NHEJ1: variants seen among roughly 807,000 people sequenced by gnomAD.
The protein encoded by NHEJ1 is non-homologous end-joining factor 1.
NHEJ1 carries 22 observed loss-of-function variants against 39.4 expected under a neutral mutation model. That is an observed-to-expected ratio of 0.56 (90% CI 0.40 to 0.80). The LOEUF (loss-of-function observed/expected upper bound fraction) is 0.80. Among genes scored for constraint, NHEJ1 ranks in the 30% least tolerant of loss-of-function variants. The pLI is 0.00. For missense variants in NHEJ1, 329 were observed against 357.1 expected, an observed-to-expected ratio of 0.92 and a Z score of 0.63; for synonymous variants, 154 against 135.6, an observed-to-expected ratio of 1.14 and a Z score of -0.94.
intron 3 of NHEJ1, among the ~76,000 whole-genome samples, chr2:219,154,150 T>C (rs974531176): frequency 2.6e-5 from 4 of 152,188 alleles, no homozygotes; most frequent in African/African-American, 9.7e-5. Context: ...TTGATATGAA[T>C]AATCTCTAAG....
intron 5 of NHEJ1, among the ~76,000 whole-genome samples, chr2:219,098,857 T>C (rs1370666881): frequency 6.6e-6 from 1 of 152,230 alleles, no homozygotes; most frequent in Non-Finnish European, 1.5e-5. Flanking sequence ...GCTTTCTGAC[T>C]ACATTTGACT....
In NHEJ1 at chr2:219,107,138, C is replaced by A. The variant is rs370676134; in HGVS notation, c.589-28932G>T. Among the ~76,000 whole-genome samples, 17 of 152,222 alleles carry A rather than the reference C, an allele frequency of 1.1e-4. No homozygotes were observed. In the East Asian group the frequency reaches 2.5e-3, roughly 22 times the overall value. On this transcript the variant is annotated intron_variant, in intron 5 of 7. Transcript: ENST00000356853. The stretch of plus-strand genomic sequence containing the variant: ...GTATGTGAAAACAGCAAGAAAATAA[C>A]TGCAAAGAAACATATGATATATGCA...
At chr2:219,120,778 T>A (rs970539060) in intron 5 of NHEJ1, among the ~76,000 whole-genome samples, 3 of 152,194 alleles carry the variant, frequency 2.0e-5, no homozygotes, top group African/African-American at 7.2e-5. Context: ...TCGGCCCTAG[T>A]ATGAGCCAAT....
At chr2:219,148,238 G>A (rs1298071027) in intron 3 of NHEJ1, among the ~76,000 whole-genome samples, 1 of 152,098 alleles carries the variant, frequency 6.6e-6, no homozygotes, top group Non-Finnish European at 1.5e-5. Context: ...TAGCCTGGGT[G>A]ACAGAGTGAG....
At chr2:219,157,441 T>C in intron 3 of NHEJ1, 31 bp downstream of exon 3, 1 of 1,585,756 alleles carries the variant, frequency 6.3e-7, no homozygotes, top group Non-Finnish European at 8.7e-7. Flanking sequence ...CTGGCATCCC[T>C]CCCCCAACCC....
chr2:219,109,408 C>T (rs2106338338), intron 5 of NHEJ1, among the ~76,000 whole-genome samples: 1 of 152,310 alleles, frequency 6.6e-6, no homozygotes, highest in Admixed American at 6.5e-5. Context: ...AAAGGTGCCC[C>T]ATGGCAGTAA....
Position 219,074,260 on chromosome 2 carries a change from T to C in NHEJ1, c.*2121A>G, listed in dbSNP as rs1028593652. On this transcript the variant is annotated 3_prime_UTR_variant, in exon 8 of 8. Coordinates refer to ENST00000356853, the MANE Select transcript of NHEJ1 (RefSeq NM_024782.3). Reference sequence around the variant, plus strand: ...AAAATTTTGCTCTTAAGATTTTACCTACAATTTTGAGGGATTCACAGGCCT... The same window carrying C: ...AAAATTTTGCTCTTAAGATTTTACCCACAATTTTGAGGGATTCACAGGCCT... Among the ~76,000 whole-genome samples the C allele has an allele frequency of 7.2e-5, 11 of 152,194 alleles. No homozygotes were observed. The highest frequency in any genetic ancestry group is 1.3e-4 in the Admixed American group (2 of 15,282).
rs1948960660 is a variant in NHEJ1 at position 219,071,903 on chromosome 2, A to C, written c.*4478T>G. Among the ~76,000 whole-genome samples the C allele has an allele frequency of 6.7e-6, 1 of 150,172 alleles. No homozygotes were observed. Among genetic ancestry groups the C allele is most frequent in the South Asian group, 2.1e-4 (1 of 4,830 alleles). On this transcript the variant is annotated 3_prime_UTR_variant, in exon 8 of 8. Coordinates refer to ENST00000356853, the MANE Select transcript of NHEJ1 (RefSeq NM_024782.3). ...AGTGGGGTGGGACTTAATAGCTCAGAAGAGTGATGAAGCCTTTGCTAGAAT... is the reference window on the plus strand; with the variant it reads ...AGTGGGGTGGGACTTAATAGCTCAGCAGAGTGATGAAGCCTTTGCTAGAAT...
intron 5 of NHEJ1, among the ~76,000 whole-genome samples, chr2:219,133,742 T>C (rs897139201): frequency 1.3e-5 from 2 of 152,232 alleles, no homozygotes; most frequent in African/African-American, 2.4e-5. Flanking sequence ...TTAAAAATTA[T>C]TGGATGAAAA....
chr2:219,107,861 G>C (rs1258636285), intron 5 of NHEJ1, among the ~76,000 whole-genome samples: 1 of 151,902 alleles, frequency 6.6e-6, no homozygotes, highest in Non-Finnish European at 1.5e-5. Context: ...CGAACTTCTT[G>C]TTCTGCTTAC....
At chr2:219,145,942 T>TAAAAAAAAAAAAAAAAA (rs796264986) in intron 5 of NHEJ1, among the ~76,000 whole-genome samples, 1 of 92,914 alleles carries the variant, frequency 1.1e-5, no homozygotes, top group Non-Finnish European at 2.4e-5. Context: ...CAAAAAAAAA[T>TAAAAAAAAAAAAAAAAA]AAAAAAAAAA....
At chr2:219,158,470 G>T in intron 1 of NHEJ1, 108 bp from the exon 2 acceptor site, 1 of 1,079,394 alleles carries the variant, frequency 9.3e-7, no homozygotes, top group Non-Finnish European at 1.4e-6. Flanking sequence ...AATCCTCCCT[G>T]ATAAAATAGA....
chr2:219,108,674 T>C (rs1282422830), intron 5 of NHEJ1, among the ~76,000 whole-genome samples: 1 of 152,224 alleles, frequency 6.6e-6, no homozygotes, highest in Admixed American at 6.5e-5. Context: ...GAGAGTGCTA[T>C]AAATAATCCC....
intron 5 of NHEJ1, among the ~76,000 whole-genome samples, chr2:219,083,643 G>A (rs893450178): frequency 1.1e-4 from 17 of 152,142 alleles, no homozygotes; most frequent in Admixed American, 4.6e-4. Context: ...TGGGAGTCAG[G>A]CACTGAGGGA....
At chr2:219,087,363 T>C (rs1253631690) in intron 5 of NHEJ1, among the ~76,000 whole-genome samples, 1 of 145,944 alleles carries the variant, frequency 6.9e-6, no homozygotes, top group Non-Finnish European at 1.5e-5. Context: ...ACTAGCACTG[T>C]GCAGGAGTGC....
At chr2:219,145,618 T>G (rs1292560023) in intron 5 of NHEJ1, among the ~76,000 whole-genome samples, 1 of 152,102 alleles carries the variant, frequency 6.6e-6, no homozygotes, top group Non-Finnish European at 1.5e-5. Flanking sequence ...AGTACCAACT[T>G]GGGTAACATA....
chr2:219,148,340 C>T (rs949487801), intron 3 of NHEJ1, among the ~76,000 whole-genome samples: 2 of 152,050 alleles, frequency 1.3e-5, no homozygotes, highest in Non-Finnish European at 2.9e-5. Context: ...CTCACTTAAG[C>T]CCAGGAGTTC....
At chr2:219,134,667 T>C (rs1026256505) in intron 5 of NHEJ1, among the ~76,000 whole-genome samples, 5 of 152,222 alleles carry the variant, frequency 3.3e-5, no homozygotes, top group Non-Finnish European at 5.9e-5. Flanking sequence ...TGTAGACCCT[T>C]TTCTTCGACC....
At chr2:219,160,587 G>A (rs1326397046) in intron 1 of NHEJ1, 133 bp downstream of exon 1, 1 of 126,354 alleles carries the variant, frequency 7.9e-6, no homozygotes, top group Non-Finnish European at 1.6e-5. Flanking sequence ...CCCCTCCCCC[G>A]GAGGCCTGCC....
Sources: allele counts gnomAD v4.1 joint callset (sites outside exome capture counted in the v4.1 genomes callset), GRCh38; gene constraint gnomAD v4.1.1; transcripts MANE v1.5; gene names NCBI Gene and HGNC (gene_info 2026-07-23, HGNC 2026-07-21).